TFDP1: variants seen among roughly 807,000 people sequenced by gnomAD.
TFDP1 encodes transcription factor Dp-1.
In TFDP1, 6 loss-of-function variants were observed where a neutral mutation model predicts 48.0. The observed-to-expected ratio is 0.13, with a 90% CI of 0.07 to 0.25. TFDP1 has a LOEUF of 0.25. Among genes scored for constraint, TFDP1 ranks in the 10% least tolerant of loss-of-function variants. The probability of loss-of-function intolerance (pLI) is 1.00; values close to 1 mark genes in which losing one functional copy is unlikely to be tolerated. For synonymous variants in TFDP1, 201 were observed against 211.6 expected, an observed-to-expected ratio of 0.95 and a Z score of 0.44; for missense variants, 335 against 543.0, an observed-to-expected ratio of 0.62 and a Z score of 3.81.
chr13:113,606,644 A>C (rs1340321334), intron 2 of TFDP1, among the ~76,000 whole-genome samples: 3 of 152,022 alleles, frequency 2.0e-5, no homozygotes, highest in Admixed American at 6.5e-5. Context: ...ACGTCTCCCC[A>C]GTTCACCTGC....
intron 3 of TFDP1, among the ~76,000 whole-genome samples, chr13:113,613,310 G>A (rs948600715): frequency 1.3e-5 from 2 of 152,180 alleles, no homozygotes; most frequent in African/African-American, 2.4e-5. Context: ...CACTGCACCC[G>A]GCCACACGTG....
chr13:113,594,493 T>TGTGGTGTGC (rs1566636573), intron 2 of TFDP1, among the ~76,000 whole-genome samples: 12 of 149,540 alleles, frequency 8.0e-5, no homozygotes, highest in African/African-American at 3.0e-4. Flanking sequence ...AGGTGACAGG[T>TGTGGTGTGC]ATGGTGTGCG....
At chr13:113,636,724 G>T (rs1170455067) in intron 10 of TFDP1, 24 bp downstream of exon 10, 8 of 1,607,436 alleles carry the variant, frequency 5.0e-6, no homozygotes. Flanking sequence ...AGACAACCTG[G>T]CGTGGCTGTG....
chr13:113,614,269 A>T (rs1035434754), intron 3 of TFDP1, among the ~76,000 whole-genome samples: 12 of 151,764 alleles, frequency 7.9e-5, no homozygotes, highest in Middle Eastern at 3.2e-3. Flanking sequence ...CGTGTGTGTG[A>T]GTTGTGTGTG....
Position 113,634,895 on chromosome 13 carries a change from G to A in TFDP1, c.687+293G>A, listed in dbSNP as rs143762273. Among the ~76,000 whole-genome samples the A allele has an allele frequency of 3.0e-3, 454 of 152,162 alleles. 1 individual carries two copies. Among genetic ancestry groups the A allele is most frequent in the African/African-American group, 0.01 (420 of 41,494 alleles). On this transcript the variant is annotated intron_variant, in intron 8 of 11. Coordinates refer to ENST00000375370, the MANE Select transcript of TFDP1 (RefSeq NM_007111.5). ...CCTGTGTGCGTGTGCATGTGTGTGC[G>A]TGCATGTGCCTGTGTGCGTGTGTGT... is the stretch of plus-strand genomic sequence containing the variant.
At chr13:113,593,817 AG>A in intron 2 of TFDP1, among the ~76,000 whole-genome samples, 1 of 139,870 alleles carries the variant, frequency 7.1e-6, no homozygotes, top group Non-Finnish European at 1.5e-5. Flanking sequence ...CACAGGTGTC[AG>A]GCGTGATGCG....
rs900985265 is a variant in TFDP1 at position 113,633,520 on chromosome 13, C to T, written c.474+235C>T. 3.9e-5 allele frequency among the ~76,000 whole-genome samples: 6 copies of T among 152,188 alleles called. No homozygotes were observed. Among genetic ancestry groups the T allele is most frequent in the African/African-American group, 1.4e-4 (6 of 41,446 alleles). On this transcript the variant is annotated intron_variant, in intron 6 of 11. Coordinates refer to ENST00000375370, the MANE Select transcript of TFDP1 (RefSeq NM_007111.5). This position sits in a 1 kb window ranked among gnomAD's most constrained non-coding sequence, Gnocchi z 4.5. ...AATATCGGGAACAGTTAAAACCATA[C>T]AGAAAATGCCAAGTACAGCATAAAA...
rs2140607462 is a variant in TFDP1, at chr13:113,633,783, G to A, written c.475-107G>A. 5.1e-6 allele frequency: 7 copies of A among 1,378,136 alleles called. No individual in the cohort carries two copies. Among genetic ancestry groups the A allele is most frequent in the Non-Finnish European group, 5.9e-6 (6 of 1,010,332 alleles). The allele number at this position is 1,378,136 out of a possible 1,614,324, so 85.4% of individuals were successfully genotyped here. A position where few individuals can be genotyped will look rare whatever the true frequency, so the allele number is the denominator to read the frequency against. ...CTCCCTGAGGGCATGTTGGGGTGGC[G>A]GCTCCGTGAGCGGGGTGCCCCTTTG... On this transcript the variant is annotated intron_variant, in intron 6 of 11. Coordinates refer to ENST00000375370, the MANE Select transcript of TFDP1 (RefSeq NM_007111.5). The surrounding 1 kb of genome is among the most constrained non-coding windows in gnomAD (Gnocchi z 4.5).
intron 2 of TFDP1, among the ~76,000 whole-genome samples, chr13:113,605,439 T>TGCA (rs1219042030): frequency 6.6e-6 from 1 of 152,212 alleles, no homozygotes; most frequent in East Asian, 1.9e-4. Context: ...AACAGACAAA[T>TGCA]GTAGTGGCTT....
chr13:113,635,855 C>G, intron 8 of TFDP1, 122 bp from the exon 9 acceptor site: 6 of 1,186,408 alleles, frequency 5.1e-6, no homozygotes, highest in Non-Finnish European at 7.1e-6. Context: ...GCTGGCATTT[C>G]AGATGTCCAG....
At chr13:113,613,408 C>G (rs1213590066) in intron 3 of TFDP1, among the ~76,000 whole-genome samples, 1 of 152,068 alleles carries the variant, frequency 6.6e-6, no homozygotes, top group African/African-American at 2.4e-5. Flanking sequence ...TTCCTTTTTT[C>G]CTCTTCTGTC....
At position 113,627,157 on chromosome 13, in the gene TFDP1, G is replaced by C. The variant is rs998689748; in HGVS notation, c.186+3871G>C. Among the ~76,000 whole-genome samples the C allele has an allele frequency of 1.3e-5, 2 of 152,196 alleles. No individual in the cohort carries two copies. Among genetic ancestry groups the C allele is most frequent in the Admixed American group, 6.5e-5 (1 of 15,282 alleles). On this transcript the variant is annotated intron_variant, in intron 4 of 11. Coordinates refer to ENST00000375370, the MANE Select transcript of TFDP1 (RefSeq NM_007111.5). This position sits in a 1 kb window ranked among gnomAD's most constrained non-coding sequence, Gnocchi z 4.1. The stretch of plus-strand genomic sequence containing the variant: ...GGACTGGCTCATTCTGACACGAGGG[G>C]TGGGGCTCAGTCCGGGCATGTGAGT...
intron 1 of TFDP1, 57 bp from the exon 2 acceptor site, chr13:113,585,716 CG>C (rs2047986156): frequency 9.3e-7 from 1 of 1,078,876 alleles, no homozygotes; most frequent in Non-Finnish European, 1.3e-6. Flanking sequence ...TTTTAAACTT[CG>C]TTTTTCATTC....
At position 113,623,641 on chromosome 13, in the gene TFDP1, T is replaced by C. The variant is rs2140485522; in HGVS notation, c.186+355T>C. Among the ~76,000 whole-genome samples, 1 of 152,308 alleles carries C rather than the reference T, an allele frequency of 6.6e-6. No homozygotes were observed. Among genetic ancestry groups the C allele is most frequent in the Middle Eastern group, 3.4e-3 (1 of 294 alleles). ...CATCTAACAGGGGCTTCTTACGTGA[T>C]GTGGCCGAGCGTTGGCTGTGGCCCT... On this transcript the variant is annotated intron_variant, in intron 4 of 11. Coordinates refer to ENST00000375370, the MANE Select transcript of TFDP1 (RefSeq NM_007111.5). This position sits in a 1 kb window ranked among gnomAD's most constrained non-coding sequence, Gnocchi z 5.2.
Position 113,607,248 on chromosome 13 carries a change from C to T in TFDP1, c.13-3748C>T, listed in dbSNP as rs2048593153. 6.6e-6 allele frequency among the ~76,000 whole-genome samples: 1 copy of T among 152,220 alleles called. No individual in the cohort carries two copies. Among genetic ancestry groups the T allele is most frequent in the African/African-American group, 2.4e-5 (1 of 41,448 alleles). ...CATTCATCCCCCTGCCTCCTGAGCC[C>T]AGAGCTTCTCCAGGAGAAAGCTGAG... On this transcript the variant is annotated intron_variant, in intron 2 of 11. Coordinates refer to ENST00000375370, the MANE Select transcript of TFDP1 (RefSeq NM_007111.5). The surrounding 1 kb of genome is among the most constrained non-coding windows in gnomAD (Gnocchi z 5.2).
At chr13:113,608,108 A>T (rs973670046) in intron 2 of TFDP1, among the ~76,000 whole-genome samples, 11 of 152,034 alleles carry the variant, frequency 7.2e-5, no homozygotes, top group African/African-American at 2.4e-4. Flanking sequence ...CTGGCATTTC[A>T]TGGAGGCCGC....
chr13:113,625,049 A>C (rs369499336), intron 4 of TFDP1, among the ~76,000 whole-genome samples: 9 of 97,912 alleles, frequency 9.2e-5, no homozygotes, highest in Admixed American at 4.3e-4. Context: ...GGTGTCTCTC[A>C]CGTGTCCTCA....
chr13:113,631,262 T>A lies in TFDP1; in HGVS notation c.187-361T>A, dbSNP rs150550311. 6.4e-3 allele frequency among the ~76,000 whole-genome samples: 968 copies of A among 152,218 alleles called. 8 individuals carry two copies. Among genetic ancestry groups the A allele is most frequent in the Admixed American group, 0.011 (169 of 15,304 alleles). ...GCGTGCTCAAGTGCCCTGTGTGGAA[T>A]TCTGTGCCGCCCCCTTCATTAAACT... On this transcript the variant is annotated intron_variant, in intron 4 of 11. Transcript: ENST00000375370.
chr13:113,586,834 G>C (rs1290721408), intron 2 of TFDP1, among the ~76,000 whole-genome samples: 3 of 152,220 alleles, frequency 2.0e-5, no homozygotes, highest in Non-Finnish European at 4.4e-5. Context: ...GAGCACCCAG[G>C]TGGACCCAGT....
Sources: allele counts gnomAD v4.1 joint callset (sites outside exome capture counted in the v4.1 genomes callset), GRCh38; gene constraint gnomAD v4.1.1; non-coding constraint Gnocchi (gnomAD v3.1); transcripts MANE v1.5; gene names NCBI Gene and HGNC (gene_info 2026-07-23, HGNC 2026-07-21).